FAM169A: variants seen among roughly 807,000 people sequenced by gnomAD.
FAM169A encodes the protein soluble lamin-associated protein of 75 kDa.
A neutral mutation model predicts 75.7 loss-of-function variants in FAM169A; 24 were observed. That is an observed-to-expected ratio of 0.32 (90% confidence interval 0.23 to 0.45). The LOEUF (loss-of-function observed/expected upper bound fraction) is 0.45, where lower values mean the gene tolerates loss of function less well. Ranked by LOEUF, FAM169A falls within the 20% of genes least tolerant of loss-of-function variation. FAM169A has a pLI of 1.00. For synonymous variants in FAM169A, 271 were observed against 271.0 expected, an observed-to-expected ratio of 1.00 and a Z score of 0.00; for missense variants, 673 against 784.0, an observed-to-expected ratio of 0.86 and a Z score of 1.69.
At chr5:74,835,591 G>A (rs898743391) in intron 4 of FAM169A, among the ~76,000 whole-genome samples, 6 of 117,676 alleles carry the variant, frequency 5.1e-5, no homozygotes. Flanking sequence ...GACAGAGTGA[G>A]ACTGTGTCTC....
At chr5:74,844,646 CG>C (rs1749057788) in intron 1 of FAM169A, among the ~76,000 whole-genome samples, 2 of 151,918 alleles carry the variant, frequency 1.3e-5, no homozygotes, top group South Asian at 4.2e-4. Context: ...AGTGAAACCC[CG>C]TCTCTACTAA....
intron 4 of FAM169A, among the ~76,000 whole-genome samples, chr5:74,837,140 T>A (rs1046582612): frequency 6.6e-6 from 1 of 152,146 alleles, no homozygotes; most frequent in Non-Finnish European, 1.5e-5. Context: ...TCCTTCTCCA[T>A]CCTTTAGCCT....
chr5:74,846,156 T>C (rs1350021989), intron 1 of FAM169A, among the ~76,000 whole-genome samples: 2 of 152,248 alleles, frequency 1.3e-5, no homozygotes, highest in African/African-American at 2.4e-5. Context: ...ACATTTATTA[T>C]ACCATATCAT....
intron 6 of FAM169A, among the ~76,000 whole-genome samples, chr5:74,811,736 A>G (rs943894479): frequency 3.3e-5 from 5 of 152,246 alleles, no homozygotes; most frequent in African/African-American, 1.2e-4. Context: ...CAAACCCACT[A>G]ATGGTTTTAA....
At chr5:74,797,219 TA>T (rs574329103) in intron 10 of FAM169A, among the ~76,000 whole-genome samples, 3 of 152,186 alleles carry the variant, frequency 2.0e-5, no homozygotes, top group Non-Finnish European at 4.4e-5. Context: ...CTCTGTCACC[TA>T]CGCTGGAGTG....
At chr5:74,801,508 C>T (rs1746574802) in intron 9 of FAM169A, 82 bp downstream of exon 9, 3 of 1,077,674 alleles carry the variant, frequency 2.8e-6, no homozygotes, top group Admixed American at 3.4e-5. Flanking sequence ...ACACACCACA[C>T]ACACATGCAT....
intron 1 of FAM169A, among the ~76,000 whole-genome samples, chr5:74,854,586 G>A (rs564277710): frequency 1.3e-5 from 2 of 152,146 alleles, no homozygotes; most frequent in Non-Finnish European, 2.9e-5. Context: ...CCACTGACCA[G>A]ACTCACTTCC....
intron 11 of FAM169A, among the ~76,000 whole-genome samples, chr5:74,793,749 A>G (rs775832059): frequency 6.6e-6 from 1 of 152,194 alleles, no homozygotes; most frequent in Non-Finnish European, 1.5e-5. Context: ...CAAGCCTATA[A>G]TCCCAGCACT....
intron 3 of FAM169A, 121 bp from the exon 4 acceptor site, chr5:74,839,171 T>C: frequency 1.5e-6 from 1 of 682,542 alleles, no homozygotes; most frequent in South Asian, 2.0e-5. Context: ...TATATAAACC[T>C]TACCAAATAG....
chr5:74,793,302 A>C (rs1746072478), intron 11 of FAM169A, among the ~76,000 whole-genome samples: 2 of 148,756 alleles, frequency 1.3e-5, no homozygotes, highest in South Asian at 4.3e-4. Flanking sequence ...TCCAGCCTGG[A>C]GACAGACCAA....
At chr5:74,791,511 C>G (rs1468326039) in intron 11 of FAM169A, among the ~76,000 whole-genome samples, 1 of 152,186 alleles carries the variant, frequency 6.6e-6, no homozygotes. Flanking sequence ...ACACTTTGGG[C>G]TCCTCCTACC....
chr5:74,813,615 T>C (rs964333732), intron 6 of FAM169A, among the ~76,000 whole-genome samples: 1 of 152,164 alleles, frequency 6.6e-6, no homozygotes, highest in Non-Finnish European at 1.5e-5. Context: ...TGTGAGCCAC[T>C]GTGCCCGGCA....
rs77805099 is a variant in FAM169A at position 74,781,191 on chromosome 5, TAAAG to T, written c.*265_*268del. 3.8e-4 allele frequency: 144 copies of T among 379,186 alleles called. 1 individual carries two copies. The East Asian group carries it at 5.6e-3, about 15-fold the overall frequency. 23.5% of individuals were successfully genotyped at this position (379,186 alleles called of 1,614,324 possible). ...AATAATGGTCAGATGTACCACCTGA[TAAAG>T]AAAATATAATATGATCTGGTTTCCC... On this transcript the variant is annotated 3_prime_UTR_variant, in exon 13 of 13. Coordinates refer to ENST00000687041, the MANE Select transcript of FAM169A (RefSeq NM_001376049.1).
At chr5:74,865,559 T>C (rs1750278296) in intron 1 of FAM169A, 1 of 152,190 alleles carries the variant, frequency 6.6e-6, no homozygotes, top group Non-Finnish European at 1.5e-5. Flanking sequence ...GGCACAGGCC[T>C]CTTGAAAAAT....
intron 11 of FAM169A, among the ~76,000 whole-genome samples, chr5:74,784,785 G>C (rs1347351513): frequency 2.0e-5 from 3 of 151,128 alleles, no homozygotes; most frequent in African/African-American, 7.3e-5. Context: ...CGGGCGTGGT[G>C]GCAGGCGCCT....
intron 5 of FAM169A, among the ~76,000 whole-genome samples, chr5:74,832,047 T>C (rs1367851063): frequency 6.6e-6 from 1 of 152,148 alleles, no homozygotes; most frequent in Non-Finnish European, 1.5e-5. Context: ...CAAGCAACTA[T>C]TTTCTGAAGC....
intron 4 of FAM169A, among the ~76,000 whole-genome samples, chr5:74,835,749 G>A (rs1748541982): frequency 6.6e-6 from 1 of 152,098 alleles, no homozygotes; most frequent in Non-Finnish European, 1.5e-5. Context: ...CCTGGCAGGG[G>A]ATCTCACATA....
At chr5:74,837,333 GTT>G (rs1020098962) in intron 4 of FAM169A, among the ~76,000 whole-genome samples, 9 of 151,932 alleles carry the variant, frequency 5.9e-5, no homozygotes, top group Admixed American at 5.9e-4. Flanking sequence ...CTCCCCTTCA[GTT>G]TCTGTTCAAA....
At chr5:74,839,928 G>A (rs950742067) in intron 3 of FAM169A, 146 bp downstream of exon 3, 1 of 544,832 alleles carries the variant, frequency 1.8e-6, no homozygotes, top group African/African-American at 1.9e-5. Context: ...GTAGCTATAA[G>A]CAATTAAGAA....
Sources: allele counts gnomAD v4.1 joint callset (sites outside exome capture counted in the v4.1 genomes callset), GRCh38; gene constraint gnomAD v4.1.1; transcripts MANE v1.5; gene names NCBI Gene and HGNC (gene_info 2026-07-23, HGNC 2026-07-21).